The following DAW1 variants were observed in gnomAD, a reference collection of about 807,000 sequenced individuals.
The protein encoded by DAW1 is dynein assembly factor with WD repeats 1.
DAW1 carries 47 observed loss-of-function variants against 56.5 expected under a neutral mutation model. The ratio of observed to expected loss-of-function variants is 0.83; its 90% confidence interval spans 0.66 to 1.06. The LOEUF is 1.06. DAW1 is among the 50% of genes least tolerant of loss of function. The probability of loss-of-function intolerance (pLI) is 0.00; values close to 1 mark genes in which losing one functional copy is unlikely to be tolerated. For missense variants in DAW1, 505 were observed against 499.3 expected (o/e 1.01, Z -0.11); for synonymous variants, 190 against 179.0 (o/e 1.06, Z -0.49).
At chr2:227,915,085 A>G (rs1406522899) in intron 10 of DAW1, among the ~76,000 whole-genome samples, 2 of 152,078 alleles carry the variant, frequency 1.3e-5, no homozygotes, top group Non-Finnish European at 2.9e-5. Context: ...TGACAAAAAC[A>G]TATGGTGCCA....
At chr2:227,917,047 A>G (rs1624429) in intron 10 of DAW1, among the ~76,000 whole-genome samples, 2 of 151,684 alleles carry the variant, frequency 1.3e-5, no homozygotes, top group African/African-American at 4.8e-5. Context: ...TGTTTATGTT[A>G]TCTCTCTGAC....
intron 8 of DAW1, among the ~76,000 whole-genome samples, chr2:227,905,466 T>A (rs1691655767): frequency 6.6e-6 from 1 of 152,198 alleles, no homozygotes; most frequent in African/African-American, 2.4e-5. Flanking sequence ...TAAATTAGCA[T>A]ATTTGTGTTG....
At chr2:227,908,803 T>A (rs1235100706) in intron 10 of DAW1, among the ~76,000 whole-genome samples, 1 of 152,204 alleles carries the variant, frequency 6.6e-6, no homozygotes, top group African/African-American at 2.4e-5. Flanking sequence ...ACTAAGTCTA[T>A]GTCATATCGA....
At position 227,893,875 on chromosome 2, in the gene DAW1, A is replaced by C; in HGVS notation, c.398A>C (p.His133Pro). 6.2e-7 allele frequency: 1 copy of C among 1,613,840 alleles called. No individual in the cohort carries two copies. The highest frequency in any genetic ancestry group is 8.5e-7 in the Non-Finnish European group (1 of 1,179,892). ...GAGGAGCTGAACACGCTGGAGGGCC[A>C]CAGGAATGTGGTTTATGCCATAGCA... ...SGEELNTLEGHRNVVYAIAFN... is the reference protein window; with the variant it reads ...SGEELNTLEGPRNVVYAIAFN... The change falls in exon 5 of 13, where the codon CAC (histidine) becomes CCC (proline). Residue 133 changes from histidine to proline, a missense_variant. His to Pro is a moderately conservative substitution (Grantham distance 77). Transcript: ENST00000309931.
chr2:227,885,975 CTTT>C (rs10655811), intron 2 of DAW1, among the ~76,000 whole-genome samples: 6 of 131,988 alleles, frequency 4.5e-5, no homozygotes, highest in Admixed American at 8.2e-5. Context: ...TTTTTCTTTC[CTTT>C]TTTTTTTTTT....
intron 10 of DAW1, among the ~76,000 whole-genome samples, chr2:227,909,457 CACAT>C (rs1381695059): frequency 1.3e-5 from 2 of 149,654 alleles, no homozygotes; most frequent in African/African-American, 4.9e-5. Context: ...AATACACACA[CACAT>C]ATATATAGTA....
At chr2:227,892,103 C>T (rs1380541337) in intron 4 of DAW1, among the ~76,000 whole-genome samples, 1 of 152,056 alleles carries the variant, frequency 6.6e-6, no homozygotes, top group Non-Finnish European at 1.5e-5. Context: ...CTAGGGCCCA[C>T]CCTACTGCGG....
intron 1 of DAW1, among the ~76,000 whole-genome samples, chr2:227,884,696 G>T (rs2106190246): frequency 6.6e-6 from 1 of 152,304 alleles, no homozygotes; most frequent in African/African-American, 2.4e-5. Flanking sequence ...TGGCTGGAAG[G>T]CAGGGAAACG....
chr2:227,880,026 A>G (rs920883833), intron 1 of DAW1, among the ~76,000 whole-genome samples: 1 of 152,220 alleles, frequency 6.6e-6, no homozygotes, highest in Non-Finnish European at 1.5e-5. Flanking sequence ...CTTCGTAAAT[A>G]TGACATCTTT....
intron 5 of DAW1, 33 bp downstream of exon 5, chr2:227,893,950 AT>A (rs1691344692): frequency 6.6e-7 from 1 of 1,508,924 alleles, no homozygotes; most frequent in South Asian, 1.3e-5. Context: ...TTGTTTATTA[AT>A]TCATTTATTC....
chr2:227,908,925 C>T (rs1691750379), intron 10 of DAW1, among the ~76,000 whole-genome samples: 1 of 152,140 alleles, frequency 6.6e-6, no homozygotes. Flanking sequence ...TACCATCTAC[C>T]TGATGACCAC....
At chr2:227,901,025 T>C (rs1249427751) in intron 6 of DAW1, among the ~76,000 whole-genome samples, 1 of 152,154 alleles carries the variant, frequency 6.6e-6, no homozygotes, top group Admixed American at 6.5e-5. Context: ...GACTAGGAGA[T>C]GGTATGATCA....
At chr2:227,888,409 G>A (rs1177995105) in intron 2 of DAW1, among the ~76,000 whole-genome samples, 8 of 152,190 alleles carry the variant, frequency 5.3e-5, no homozygotes, top group Admixed American at 1.3e-4. Flanking sequence ...AGGATCAGGC[G>A]GGAGGAGCCA....
In DAW1 at chr2:227,880,220, T is replaced by C. The variant is rs1234542915; in HGVS notation, c.41-5131T>C. Reference sequence around the variant, plus strand: ...GTATCTTCAATGGATACAGTATCTCTTTCTTATCTTCTTCCAGTCTTAGCT... The same window carrying C: ...GTATCTTCAATGGATACAGTATCTCCTTCTTATCTTCTTCCAGTCTTAGCT... On this transcript the variant is annotated intron_variant, in intron 1 of 12. Transcript: ENST00000309931. Among the ~76,000 whole-genome samples the C allele has an allele frequency of 6.0e-5, 9 of 150,608 alleles. No individual in the cohort carries two copies. The South Asian group carries it at 1.4e-3, about 24-fold the overall frequency.
At chr2:227,915,093 C>G (rs1042289019) in intron 10 of DAW1, among the ~76,000 whole-genome samples, 1 of 152,102 alleles carries the variant, frequency 6.6e-6, no homozygotes, top group South Asian at 2.1e-4. Context: ...ACATATGGTG[C>G]CACACTCTGT....
chr2:227,891,031 C>T (rs113268818), intron 3 of DAW1, among the ~76,000 whole-genome samples: 2 of 151,982 alleles, frequency 1.3e-5, no homozygotes, highest in African/African-American at 4.8e-5. Context: ...TCCTACATAC[C>T]CAGTTTATAC....
chr2:227,876,183 T>G (rs1690877057), intron 1 of DAW1, among the ~76,000 whole-genome samples: 1 of 152,044 alleles, frequency 6.6e-6, no homozygotes, highest in Admixed American at 6.5e-5. Flanking sequence ...GCCAGGCTAA[T>G]TAATTTTTTT....
At chr2:227,903,635 C>T (rs1469980843) in intron 7 of DAW1, among the ~76,000 whole-genome samples, 3 of 149,962 alleles carry the variant, frequency 2.0e-5, no homozygotes, top group African/African-American at 7.4e-5. Flanking sequence ...CGCCATCTGT[C>T]ACTCTCCCCT....
At chr2:227,907,077 TC>T in intron 9 of DAW1, 60 bp from the exon 10 acceptor site, 1 of 1,282,262 alleles carries the variant, frequency 7.8e-7, no homozygotes, top group Non-Finnish European at 1.1e-6. Flanking sequence ...CTGGCCATCT[TC>T]ACACTTCAGA....
Sources: gnomAD v4.1 joint callset for allele counts (sites outside exome capture counted in the v4.1 genomes callset) on GRCh38, gnomAD v4.1.1 for gene constraint, MANE v1.5 for transcripts, NCBI Gene and HGNC (gene_info 2026-07-23, HGNC 2026-07-21) for gene names.